Variants in PRKG1 observed in about 807,000 individuals in gnomAD.
The protein encoded by PRKG1 is cGMP-dependent protein kinase 1.
Under a neutral mutation model 88.1 loss-of-function variants are expected in PRKG1, and 35 were observed. The ratio of observed to expected loss-of-function variants is 0.40; its 90% confidence interval spans 0.30 to 0.53. The LOEUF (loss-of-function observed/expected upper bound fraction) is 0.53. Among genes scored for constraint, PRKG1 ranks in the 20% least tolerant of loss-of-function variants. PRKG1 has a pLI of 0.59. For missense variants in PRKG1, 540 were observed against 839.8 expected (o/e 0.64, Z 4.41); for synonymous variants, 303 against 292.5 (o/e 1.04, Z -0.37).
intron 4 of PRKG1, among the ~76,000 whole-genome samples, chr10:51,842,889 G>A (rs1428504287): frequency 6.6e-6 from 1 of 151,630 alleles, no homozygotes; most frequent in Non-Finnish European, 1.5e-5. Context: ...CTTACCTAGT[G>A]TTATATTTAA....
chr10:51,849,457 G>T lies in PRKG1; in HGVS notation c.698+44767G>T, dbSNP rs139288348. ...TGGTCTTATCTTGATTCGCTGCAAA[G>T]TTATGTTTCCTTATCTCTCTCTGGA... On this transcript the variant is annotated intron_variant, in intron 4 of 17. Transcript: ENST00000373980. Among the ~76,000 whole-genome samples the T allele has an allele frequency of 6.1e-3, 936 of 152,226 alleles. 12 individuals are homozygous for T. Among genetic ancestry groups the T allele is most frequent in the African/African-American group, 0.02 (813 of 41,532 alleles).
chr10:52,027,820 G>A lies in PRKG1; in HGVS notation c.763-26664G>A, dbSNP rs183505819. Among the ~76,000 whole-genome samples, 323 of 151,984 alleles carry A rather than the reference G, an allele frequency of 2.1e-3. 4 individuals are homozygous for A. The highest frequency in any genetic ancestry group is 7.4e-3 in the African/African-American group (307 of 41,466). ...TATTATTTATTTGAGACAGAGTCTC[G>A]CTTTGTTGCCCAGGCTGGAGTGCAG... is the stretch of plus-strand genomic sequence containing the variant. On this transcript the variant is annotated intron_variant, in intron 5 of 17. Transcript: ENST00000373980.
At chr10:52,151,031 A>T (rs1487353609) in intron 8 of PRKG1, among the ~76,000 whole-genome samples, 1 of 151,998 alleles carries the variant, frequency 6.6e-6, no homozygotes, top group East Asian at 1.9e-4. Flanking sequence ...TTTGCCAATT[A>T]TACGAATTTG....
chr10:51,532,889 C>G (rs527489942), intron 3 of PRKG1, among the ~76,000 whole-genome samples: 1 of 152,270 alleles, frequency 6.6e-6, no homozygotes, highest in Admixed American at 6.5e-5. Flanking sequence ...TATCCTCTCT[C>G]TTTTTTTCAA....
chr10:52,011,792 T>C (rs1297637297), intron 5 of PRKG1, among the ~76,000 whole-genome samples: 1 of 152,148 alleles, frequency 6.6e-6, no homozygotes, highest in Non-Finnish European at 1.5e-5. Flanking sequence ...TTCTCTTGTG[T>C]TGTGGGAGGG....
chr10:51,140,147 G>A (rs931595438), intron 1 of PRKG1, among the ~76,000 whole-genome samples: 1 of 152,118 alleles, frequency 6.6e-6, no homozygotes, highest in African/African-American at 2.4e-5. Flanking sequence ...CCTAAATGCT[G>A]CATTGTCAAA....
In PRKG1 at chr10:51,392,800, C is replaced by T. The variant is rs564523868; in HGVS notation, c.479-74923C>T. 2.7e-3 allele frequency among the ~76,000 whole-genome samples: 394 copies of T among 145,656 alleles called. 4 individuals carry two copies. The highest frequency in any genetic ancestry group is 9.5e-3 in the African/African-American group (378 of 39,622). On this transcript the variant is annotated intron_variant, in intron 2 of 17. Transcript: ENST00000373980. Reference sequence around the variant, plus strand: ...CTCCCTCCCGGACGGGGCGGCTGGCCGGGCGGGGGGCTGACCCCCCACCTC... The same window carrying T: ...CTCCCTCCCGGACGGGGCGGCTGGCTGGGCGGGGGGCTGACCCCCCACCTC...
At chr10:51,342,747 A>G (rs2132549800) in intron 2 of PRKG1, among the ~76,000 whole-genome samples, 1 of 152,342 alleles carries the variant, frequency 6.6e-6, no homozygotes, top group Non-Finnish European at 1.5e-5. Context: ...GAGAATCATA[A>G]TAGCCCGTAT....
At chr10:51,666,567 T>G (rs1368248295) in intron 3 of PRKG1, among the ~76,000 whole-genome samples, 2 of 152,146 alleles carry the variant, frequency 1.3e-5, no homozygotes, top group Non-Finnish European at 2.9e-5. Flanking sequence ...AGTACAGCAG[T>G]ATAATAATAT....
intron 2 of PRKG1, among the ~76,000 whole-genome samples, chr10:51,181,052 C>A (rs977048925): frequency 1.3e-5 from 2 of 151,886 alleles, no homozygotes; most frequent in African/African-American, 4.8e-5. Flanking sequence ...GCATGTATTA[C>A]TGTTACACCT....
intron 5 of PRKG1, chr10:51,909,785 G>T (rs1235262743): frequency 6.6e-6 from 1 of 151,982 alleles, no homozygotes; most frequent in Non-Finnish European, 1.5e-5. Flanking sequence ...ACTTAGAGAA[G>T]AGTCAGCAAA....
At chr10:51,137,732 A>G (rs1346824894) in intron 1 of PRKG1, among the ~76,000 whole-genome samples, 1 of 152,218 alleles carries the variant, frequency 6.6e-6, no homozygotes, top group Non-Finnish European at 1.5e-5. Flanking sequence ...CAGGGGGTTG[A>G]TTTACGGTAG....
chr10:51,679,434 A>G (rs755828683), intron 3 of PRKG1, among the ~76,000 whole-genome samples: 2 of 152,162 alleles, frequency 1.3e-5, no homozygotes, highest in Non-Finnish European at 2.9e-5. Context: ...TTAGAGCCAC[A>G]GAAATATTTT....
Position 51,431,041 on chromosome 10 carries a change from A to G in PRKG1, c.479-36682A>G, listed in dbSNP as rs377596090. Among the ~76,000 whole-genome samples the G allele has an allele frequency of 6.6e-5, 10 of 152,186 alleles. No individual in the cohort carries two copies. In the East Asian group the frequency reaches 1.3e-3, roughly 21 times the overall value. On this transcript the variant is annotated intron_variant, in intron 2 of 17. Coordinates refer to ENST00000373980, the MANE Select transcript of PRKG1 (RefSeq NM_006258.4). ...GCACAATTCTACAAATTAACTGAAC[A>G]TAAATTGTACAAATGGGCAAATTTT... is the stretch of plus-strand genomic sequence containing the variant.
intron 3 of PRKG1, among the ~76,000 whole-genome samples, chr10:51,723,621 A>AAAAACAG: frequency 6.6e-6 from 1 of 150,960 alleles, no homozygotes; most frequent in African/African-American, 2.4e-5. Context: ...GCATGACAAA[A>AAAAACAG]AAAAAGAAAA....
chr10:51,373,991 A>G (rs1842756863), intron 2 of PRKG1, among the ~76,000 whole-genome samples: 1 of 150,454 alleles, frequency 6.6e-6, no homozygotes, highest in Non-Finnish European at 1.5e-5. Context: ...AAACTACAAA[A>G]ATTAGCTGGG....
At chr10:51,051,476 A>G (rs1206170061) in intron 1 of PRKG1, among the ~76,000 whole-genome samples, 2 of 152,028 alleles carry the variant, frequency 1.3e-5, no homozygotes, top group African/African-American at 4.8e-5. Flanking sequence ...CCATTACTTC[A>G]TTTATCAATA....
At chr10:51,434,785 A>G (rs765150953) in intron 2 of PRKG1, among the ~76,000 whole-genome samples, 2 of 152,090 alleles carry the variant, frequency 1.3e-5, no homozygotes, top group Non-Finnish European at 2.9e-5. Context: ...TAATTTTCTG[A>G]TGGTTGTTTT....
At chr10:52,000,324 AAT>A (rs139765607) in intron 5 of PRKG1, among the ~76,000 whole-genome samples, 67,366 of 151,392 alleles carry the variant, frequency 0.44, 15,390 homozygotes, top group African/African-American at 0.54. Context: ...GTGAGACAGC[AAT>A]ATATATATAT....
Sources: gnomAD v4.1 joint callset for allele counts (sites outside exome capture counted in the v4.1 genomes callset) on GRCh38, gnomAD v4.1.1 for gene constraint, MANE v1.5 for transcripts, NCBI Gene and HGNC (gene_info 2026-07-23, HGNC 2026-07-21) for gene names.